Variants in HSPG2 observed in about 807,000 individuals in gnomAD.
HSPG2 encodes heparan sulfate proteoglycan 2.
A neutral mutation model predicts 526.6 loss-of-function variants in HSPG2; 278 were observed. The observed-to-expected ratio is 0.53, with a 90% CI of 0.48 to 0.58. The LOEUF is 0.58. Among genes scored for constraint, HSPG2 ranks in the 20% least tolerant of loss-of-function variants. The pLI, the probability that HSPG2 is intolerant of heterozygous loss-of-function variation, is 0.00. For missense variants in HSPG2, 5,354 were observed against 6,099.5 expected (o/e 0.88, Z 4.07); for synonymous variants, 2,465 against 2,555.4 (o/e 0.96, Z 1.07).
intron 80 of HSPG2, 83 bp from the exon 81 acceptor site, chr1:21,832,689 T>C: frequency 1.9e-6 from 2 of 1,028,310 alleles, no homozygotes; most frequent in Admixed American, 1.9e-5. Context: ...ACCCAAGCTC[T>C]TGAGCCTGTC....
rs886681325 is a variant in HSPG2 at position 21,865,861 on chromosome 1, T to C, written c.4222-52A>G. ...CAGGCTGACCTTGGGGTGTGAGTGT[T>C]GGACCATATAGGTGAGGGATGGAGC... On this transcript the variant is annotated intron_variant, in intron 33 of 96. Coordinates refer to ENST00000374695, the MANE Select transcript of HSPG2 (RefSeq NM_005529.7). This position sits in a 1 kb window ranked among gnomAD's most constrained non-coding sequence, Gnocchi z 5.4. 1 of 1,400,982 alleles carries C rather than the reference T, an allele frequency of 7.1e-7. No individual in the cohort carries two copies. The highest frequency in any genetic ancestry group is 1.0e-6 in the Non-Finnish European group (1 of 987,878). The allele number at this position is 1,400,982 out of a possible 1,614,324, so 86.8% of individuals were successfully genotyped here. A position where few individuals can be genotyped will look rare whatever the true frequency, so the allele number is the denominator to read the frequency against.
Position 21,888,080 on chromosome 1 carries a change from G to C in HSPG2, c.575-14C>G. 6.2e-7 allele frequency: 1 copy of C among 1,613,922 alleles called. No individual in the cohort carries two copies. The highest frequency in any genetic ancestry group is 8.5e-7 in the Non-Finnish European group (1 of 1,180,046). ...GGAACTGGGGCACTGCAGGTGGAAA[G>C]GAAGCAGACTGGAGTCAGAGGCGGC... On this transcript the variant is annotated splice_polypyrimidine_tract_variant and intron_variant, in intron 6 of 96. Coordinates refer to ENST00000374695, the MANE Select transcript of HSPG2 (RefSeq NM_005529.7).
intron 6 of HSPG2, chr1:21,888,569 G>T: frequency 1.2e-6 from 1 of 848,606 alleles, no homozygotes; most frequent in Non-Finnish European, 1.6e-6. Context: ...GCCTCCCAAA[G>T]TGCTGGGGTT....
chr1:21,830,875 G>T (rs2098000727), intron 85 of HSPG2, 107 bp downstream of exon 85: 4 of 724,354 alleles, frequency 5.5e-6, no homozygotes, highest in Admixed American at 2.0e-5. Flanking sequence ...GGTGAGAGTG[G>T]GGGGTGTGGA....
chr1:21,866,701 C>T (rs1354899492), intron 33 of HSPG2, among the ~76,000 whole-genome samples: 1 of 152,228 alleles, frequency 6.6e-6, no homozygotes, highest in Non-Finnish European at 1.5e-5. Context: ...ACGTGGACAG[C>T]TGAGGCTCCC....
In HSPG2 at chr1:21,861,837, G is replaced by C; in HGVS notation, c.4875C>G (p.Ser1625=). ...CPLTNPENMF[S]RTCESLGAGG... is the part of the protein sequence containing the mutation. Reference sequence around the variant, plus strand: ...CGGCTCCCAGGCTCTCACAGGTGCGGGAAAACCTGGGATCGGGGAGGCAAA... The same window carrying C: ...CGGCTCCCAGGCTCTCACAGGTGCGCGAAAACCTGGGATCGGGGAGGCAAA... Residue 1625 remains serine (S), a synonymous_variant, in exon 39 of 97, where the codon TCC becomes TCG. Transcript: ENST00000374695. 2 of 1,613,594 alleles carry C rather than the reference G, an allele frequency of 1.2e-6. No individual in the cohort carries two copies. The highest frequency in any genetic ancestry group is 2.2e-5 in the South Asian group (2 of 91,076).
In HSPG2 at chr1:21,872,811, C is replaced by A; in HGVS notation, c.3889-51G>T. On this transcript the variant is annotated intron_variant, in intron 31 of 96. Transcript: ENST00000374695. The surrounding 1 kb of genome is among the most constrained non-coding windows in gnomAD (Gnocchi z 5.5). ...GGCAGGGGACTCAGTGGGTCTCCTG[C>A]ACCCCCAGCAGCCTGAGGCCAGCCT... The A allele has an allele frequency of 1.3e-6, 2 of 1,591,250 alleles. No homozygotes were observed. Among genetic ancestry groups the A allele is most frequent in the Non-Finnish European group, 8.6e-7 (1 of 1,169,362 alleles).
At chr1:21,900,981 T>C (rs1323677848) in intron 1 of HSPG2, among the ~76,000 whole-genome samples, 1 of 151,806 alleles carries the variant, frequency 6.6e-6, no homozygotes, top group African/African-American at 2.4e-5. Flanking sequence ...GAGGGAAGAG[T>C]CCTGTGTTTC....
At chr1:21,892,876 A>AG (rs1452804974) in intron 3 of HSPG2, among the ~76,000 whole-genome samples, 29 of 151,130 alleles carry the variant, frequency 1.9e-4, no homozygotes, top group Non-Finnish European at 3.4e-4. Flanking sequence ...AAAAAAAAAA[A>AG]AAAAGAAAAG....
chr1:21,842,370 G>C lies in HSPG2; in HGVS notation c.8921C>G (p.Ser2974Cys). 9 of 1,607,998 alleles carry C rather than the reference G, an allele frequency of 5.6e-6. No homozygotes were observed. The highest frequency in any genetic ancestry group is 7.6e-6 in the Non-Finnish European group (9 of 1,176,644). Residue 2974 changes from serine to cysteine, a missense_variant, in exon 68 of 97, where the codon TCC becomes TGC. By Grantham distance (112) the Ser-to-Cys change is moderately radical. Transcript: ENST00000374695. Reference protein sequence around the residue: ...SLPARHQTHGSQLRLHLVSPA... With the variant: ...SLPARHQTHGCQLRLHLVSPA... ...GGAGACGAGGTGGAGCCGCAGCTGG[G>C]AGCCATGGGTCTGTCAGAGCAGCGA... is the stretch of plus-strand genomic sequence containing the variant.
chr1:21,919,721 C>G (rs1359025712), intron 1 of HSPG2, among the ~76,000 whole-genome samples: 2 of 152,122 alleles, frequency 1.3e-5, no homozygotes, highest in Non-Finnish European at 2.9e-5. Context: ...TCAGTAGGTC[C>G]AAGGGGGCCT....
At chr1:21,825,446 T>C (rs999869424) in intron 91 of HSPG2, among the ~76,000 whole-genome samples, 3 of 152,186 alleles carry the variant, frequency 2.0e-5, no homozygotes, top group Admixed American at 1.3e-4. Flanking sequence ...AATAAATGGT[T>C]CAGAGCCTTG....
In HSPG2 at chr1:21,827,968, A is replaced by C; in HGVS notation, c.12533-49T>G. 1.2e-6 allele frequency: 2 copies of C among 1,610,946 alleles called. 1 individual carries two copies. Among genetic ancestry groups the C allele is most frequent in the Non-Finnish European group, 1.7e-6 (2 of 1,178,836 alleles). On this transcript the variant is annotated intron_variant, in intron 90 of 96. Transcript: ENST00000374695. ...TTGGTGGGCATAGACACCCGTGGGT[A>C]CTATGTCGAGCTCCGGGGCCCCAAG...
Position 21,854,269 on chromosome 1 carries a change from A to T in HSPG2, c.6363T>A (p.Asn2121Lys), listed in dbSNP as rs768309377. The T allele has an allele frequency of 1.9e-6, 3 of 1,583,778 alleles. No individual in the cohort carries two copies. In the South Asian group the frequency reaches 3.5e-5, roughly 18 times the overall value. ...DSGEYVCRVENGSGPKEASIT... is the reference protein window; with the variant it reads ...DSGEYVCRVEKGSGPKEASIT... ...TGGAGGCCTCCTTGGGGCCCGATCC[A>T]TTCTCCACACGGCACACATATTCTC... Residue 2121 changes from asparagine (N) to lysine (K), a missense_variant, in exon 50 of 97, where the codon AAT (asparagine) becomes AAA (lysine). Asn to Lys is a moderately conservative substitution (Grantham distance 94, BLOSUM62 0). Transcript: ENST00000374695.
chr1:21,868,184 A>G (rs2316164), intron 33 of HSPG2, among the ~76,000 whole-genome samples: 149,766 of 151,788 alleles, frequency 0.99, 73,916 homozygotes, highest in East Asian at 1. Flanking sequence ...GATTACAGGC[A>G]CCCGCCACCA....
intron 50 of HSPG2, 131 bp downstream of exon 50, chr1:21,854,061 TC>T (rs1456229306): frequency 1.9e-6 from 2 of 1,030,324 alleles, no homozygotes; most frequent in African/African-American, 3.2e-5. Flanking sequence ...TCCTTCTCTC[TC>T]TGAGCAGGCG....
In HSPG2 at chr1:21,904,902, T is replaced by A. The variant is rs1454470987; in HGVS notation, c.64-8592A>T. 6.6e-6 allele frequency among the ~76,000 whole-genome samples: 1 copy of A among 152,190 alleles called. No homozygotes were observed. Among genetic ancestry groups the A allele is most frequent in the African/African-American group, 2.4e-5 (1 of 41,446 alleles). On this transcript the variant is annotated intron_variant, in intron 1 of 96. Coordinates refer to ENST00000374695, the MANE Select transcript of HSPG2 (RefSeq NM_005529.7). The surrounding 1 kb of genome is among the most constrained non-coding windows in gnomAD (Gnocchi z 4.4). The stretch of plus-strand genomic sequence containing the variant: ...GTGGGGCTTCAAGGGCACACCAACC[T>A]GGTTGGGCCTGCCCATACCCTCCTG...
At chr1:21,860,256 C>T (rs367808975) in intron 39 of HSPG2, 21 bp from the exon 40 acceptor site, 28 of 1,609,748 alleles carry the variant, frequency 1.7e-5, no homozygotes, top group African/African-American at 1.3e-4. Flanking sequence ...GAACAAGGGC[C>T]GGCAATGTCA....
In HSPG2 at chr1:21,896,023, G is replaced by C; in HGVS notation, c.200-57C>G. ...AACAAGTATTTGTTGAGTACCTACTGGGTGTCAGGCACTGTTCTGGGCACC... is the reference window on the plus strand; with the variant it reads ...AACAAGTATTTGTTGAGTACCTACTCGGTGTCAGGCACTGTTCTGGGCACC... On this transcript the variant is annotated intron_variant, in intron 2 of 96. Coordinates refer to ENST00000374695, the MANE Select transcript of HSPG2 (RefSeq NM_005529.7). The C allele has an allele frequency of 6.9e-6, 11 of 1,591,180 alleles. No individual in the cohort carries two copies. The South Asian group carries it at 9.9e-5, about 14-fold the overall frequency.
Sources: gnomAD v4.1 joint callset for allele counts (sites outside exome capture counted in the v4.1 genomes callset) on GRCh38, gnomAD v4.1.1 for gene constraint, Gnocchi (gnomAD v3.1) non-coding constraint, MANE v1.5 for transcripts, NCBI Gene and HGNC (gene_info 2026-07-23, HGNC 2026-07-21) for gene names.